Variants in STXBP5L observed in about 807,000 individuals in gnomAD.
STXBP5L encodes syntaxin binding protein 5L, also known as syntaxin-binding protein 5-like.
In STXBP5L, 65 loss-of-function variants were observed where a neutral mutation model predicts 144.5. The ratio of observed to expected loss-of-function variants is 0.45; its 90% CI spans 0.37 to 0.55. The LOEUF (loss-of-function observed/expected upper bound fraction) is 0.55, where lower values mean the gene tolerates loss of function less well. Ranked by LOEUF, STXBP5L falls within the 20% of genes least tolerant of loss-of-function variation. STXBP5L has a pLI of 0.00. For missense variants in STXBP5L, 1,298 were observed against 1,405.5 expected (o/e 0.92, Z 1.22); for synonymous variants, 505 against 469.6 (o/e 1.08, Z -0.97).
chr3:121,328,170 T>C (rs2044210442), intron 20 of STXBP5L, among the ~76,000 whole-genome samples: 1 of 152,348 alleles, frequency 6.6e-6, no homozygotes, highest in Non-Finnish European at 1.5e-5. Context: ...AGATAAATTA[T>C]TTCTGACATG....
intron 9 of STXBP5L, among the ~76,000 whole-genome samples, chr3:121,199,342 A>T (rs2048047152): frequency 6.6e-6 from 1 of 152,040 alleles, no homozygotes; most frequent in South Asian, 2.1e-4. Flanking sequence ...GTATCTTGAG[A>T]CTCTGCTGAA....
intron 3 of STXBP5L, among the ~76,000 whole-genome samples, chr3:120,979,255 G>A (rs1941471080): frequency 6.6e-6 from 1 of 152,206 alleles, no homozygotes; most frequent in Non-Finnish European, 1.5e-5. Flanking sequence ...GCAATGGCAG[G>A]TGCCCCTCCC....
chr3:121,295,089 G>T (rs934548502), intron 19 of STXBP5L, among the ~76,000 whole-genome samples: 10 of 152,114 alleles, frequency 6.6e-5, no homozygotes, highest in Non-Finnish European at 1.0e-4. Flanking sequence ...ATGTTAAAAG[G>T]AGTAGTTTGG....
intron 21 of STXBP5L, among the ~76,000 whole-genome samples, chr3:121,379,533 T>A (rs1365315628): frequency 2.9e-4 from 44 of 152,202 alleles, no homozygotes; most frequent in Admixed American, 2.9e-3. Flanking sequence ...AGATTTGCTA[T>A]AGTAATTCTA....
intron 20 of STXBP5L, among the ~76,000 whole-genome samples, chr3:121,350,137 C>G (rs1344463787): frequency 2.0e-5 from 3 of 152,066 alleles, no homozygotes; most frequent in Non-Finnish European, 2.9e-5. Flanking sequence ...TTCAGGAGCT[C>G]TTTTAGGGCA....
intron 3 of STXBP5L, among the ~76,000 whole-genome samples, chr3:120,961,651 A>G (rs1317862517): frequency 2.6e-5 from 4 of 152,028 alleles, no homozygotes; most frequent in Non-Finnish European, 4.4e-5. Flanking sequence ...TATGTGCCAT[A>G]TTTTCTTAAT....
At chr3:121,151,177 C>T (rs769782905) in intron 7 of STXBP5L, among the ~76,000 whole-genome samples, 5 of 151,786 alleles carry the variant, frequency 3.3e-5, no homozygotes, top group Non-Finnish European at 7.4e-5. Context: ...GAAGTTAAAA[C>T]ATATCTTAGT....
intron 9 of STXBP5L, among the ~76,000 whole-genome samples, chr3:121,162,744 A>T (rs2046367529): frequency 6.6e-6 from 1 of 152,222 alleles, no homozygotes. Flanking sequence ...AAACAACCCC[A>T]TCAAAAAGTA....
At chr3:120,995,142 C>G (rs1006480871) in intron 3 of STXBP5L, among the ~76,000 whole-genome samples, 1 of 151,920 alleles carries the variant, frequency 6.6e-6, no homozygotes, top group African/African-American at 2.4e-5. Context: ...CTTGTTTTCT[C>G]TTTTTGTTTT....
intron 2 of STXBP5L, among the ~76,000 whole-genome samples, chr3:120,929,516 T>G (rs1433675203): frequency 1.3e-5 from 2 of 152,162 alleles, no homozygotes; most frequent in Non-Finnish European, 2.9e-5. Context: ...AACAATCAGT[T>G]TAGGGGATGT....
intron 20 of STXBP5L, among the ~76,000 whole-genome samples, chr3:121,367,609 T>TG (rs2045901288): frequency 3.5e-5 from 5 of 141,276 alleles, no homozygotes; most frequent in Admixed American, 7.0e-5. Flanking sequence ...TTTTTTTTTT[T>TG]TTTTTTTTTT....
intron 20 of STXBP5L, among the ~76,000 whole-genome samples, chr3:121,352,721 A>C (rs1357522363): frequency 6.6e-6 from 1 of 151,842 alleles, no homozygotes; most frequent in East Asian, 1.9e-4. Flanking sequence ...ACATTATGTT[A>C]AATAGGAGTG....
chr3:120,920,502 C>T (rs1196486329), intron 2 of STXBP5L, among the ~76,000 whole-genome samples: 1 of 151,760 alleles, frequency 6.6e-6, no homozygotes, highest in Non-Finnish European at 1.5e-5. Flanking sequence ...ATGCTAAAAA[C>T]ATTAGAATTA....
intron 20 of STXBP5L, among the ~76,000 whole-genome samples, chr3:121,349,219 A>C (rs2045156407): frequency 6.6e-6 from 1 of 152,128 alleles, no homozygotes; most frequent in Non-Finnish European, 1.5e-5. Flanking sequence ...TTATGTACCC[A>C]GTAGTCATTC....
chr3:121,160,998 C>A (rs1027299924), intron 9 of STXBP5L, among the ~76,000 whole-genome samples: 4 of 151,910 alleles, frequency 2.6e-5, no homozygotes, highest in Non-Finnish European at 4.4e-5. Flanking sequence ...CCCCTACTGT[C>A]CTTTACGCTA....
At chr3:121,060,627 T>A (rs2041222411) in intron 5 of STXBP5L, among the ~76,000 whole-genome samples, 1 of 152,238 alleles carries the variant, frequency 6.6e-6, no homozygotes, top group Non-Finnish European at 1.5e-5. Context: ...TGTTAGGCTA[T>A]TAATTACTGC....
In STXBP5L at chr3:121,419,216, C is replaced by A; in HGVS notation, c.*119C>A. On this transcript the variant is annotated 3_prime_UTR_variant, in exon 27 of 27. Coordinates refer to ENST00000471454, the MANE Select transcript of STXBP5L (RefSeq NM_001308330.2). ...TTCTACAAAATGTTCCATTTACAGTCAATCTGAAATTTTCATAAAAGAGAT... is the reference window on the plus strand; with the variant it reads ...TTCTACAAAATGTTCCATTTACAGTAAATCTGAAATTTTCATAAAAGAGAT... 2.0e-6 allele frequency: 2 copies of A among 1,013,052 alleles called. No individual in the cohort carries two copies. The highest frequency in any genetic ancestry group is 1.7e-5 in the African/African-American group (1 of 60,520). The allele number at this position is 1,013,052 out of a possible 1,614,324, so 62.8% of individuals were successfully genotyped here. A position where few individuals can be genotyped will look rare whatever the true frequency, so the allele number is the denominator to read the frequency against.
chr3:120,920,679 A>C (rs1709319863), intron 2 of STXBP5L, among the ~76,000 whole-genome samples: 1 of 151,676 alleles, frequency 6.6e-6, no homozygotes, highest in African/African-American at 2.4e-5. Context: ...TCTGGCAAAC[A>C]ATATACTCTC....
chr3:120,974,195 T>A (rs112812020), intron 3 of STXBP5L, among the ~76,000 whole-genome samples: 2 of 151,988 alleles, frequency 1.3e-5, no homozygotes, highest in Non-Finnish European at 2.9e-5. Flanking sequence ...ACATCCTCTC[T>A]AGCACCTGTT....
Sources: allele counts gnomAD v4.1 joint callset (sites outside exome capture counted in the v4.1 genomes callset), GRCh38; gene constraint gnomAD v4.1.1; transcripts MANE v1.5; gene names NCBI Gene and HGNC (gene_info 2026-07-23, HGNC 2026-07-21).